KCNIP4: variants seen among roughly 807,000 people sequenced by gnomAD.
The protein encoded by KCNIP4 is Kv channel-interacting protein 4.
A neutral mutation model predicts 34.0 loss-of-function variants in KCNIP4; 12 were observed. The observed-to-expected ratio is 0.35, with a 90% confidence interval of 0.23 to 0.57. KCNIP4 has a LOEUF of 0.57. Ranked by LOEUF, KCNIP4 falls within the 20% of genes least tolerant of loss-of-function variation. The pLI is 0.83. For missense variants in KCNIP4, 238 were observed against 311.7 expected (o/e 0.76, Z 1.78); for synonymous variants, 124 against 102.2 (o/e 1.21, Z -1.29).
intron 1 of KCNIP4, among the ~76,000 whole-genome samples, chr4:20,928,944 A>T (rs1246586943): frequency 6.6e-6 from 1 of 152,016 alleles, no homozygotes; most frequent in Non-Finnish European, 1.5e-5. Flanking sequence ...TGGCTTCATG[A>T]ATGAATTCTA....
At position 21,676,003 on chromosome 4, in the gene KCNIP4, A is replaced by G. The variant is rs150002077; in HGVS notation, c.61+272568T>C. Among the ~76,000 whole-genome samples the G allele has an allele frequency of 4.9e-3, 742 of 152,262 alleles. 4 individuals carry two copies. The highest frequency in any genetic ancestry group is 0.017 in the African/African-American group (696 of 41,554). ...GCACGACCACTAAGCTGTTCAGTAA[A>G]TCTGGTCTGACAACAATTATATACT... is the stretch of plus-strand genomic sequence containing the variant. On this transcript the variant is annotated intron_variant, in intron 1 of 8. Transcript: ENST00000382152.
At chr4:21,171,550 G>A (rs1445674297) in intron 1 of KCNIP4, among the ~76,000 whole-genome samples, 1 of 152,092 alleles carries the variant, frequency 6.6e-6, no homozygotes, top group African/African-American at 2.4e-5. Flanking sequence ...GAACAGCGAT[G>A]GGATCAGATT....
intron 1 of KCNIP4, among the ~76,000 whole-genome samples, chr4:21,748,488 A>C (rs1716928170): frequency 6.6e-6 from 1 of 152,196 alleles, no homozygotes; most frequent in South Asian, 2.1e-4. Flanking sequence ...TCTATTTAGG[A>C]AATATGAAAA....
intron 1 of KCNIP4, among the ~76,000 whole-genome samples, chr4:21,421,223 A>C (rs1219108694): frequency 6.6e-6 from 1 of 152,198 alleles, no homozygotes; most frequent in East Asian, 1.9e-4. Context: ...AGAATCCTCA[A>C]AAAGTTAAAA....
intron 3 of KCNIP4, among the ~76,000 whole-genome samples, chr4:20,765,349 C>T (rs1425384631): frequency 6.6e-6 from 1 of 152,100 alleles, no homozygotes; most frequent in Non-Finnish European, 1.5e-5. Flanking sequence ...AAGATGTACA[C>T]GGTGTATTTG....
At chr4:20,821,876 A>G (rs183193079) in intron 3 of KCNIP4, among the ~76,000 whole-genome samples, 51 of 151,686 alleles carry the variant, frequency 3.4e-4, no homozygotes, top group African/African-American at 1.1e-3. Context: ...GTGTGTATCT[A>G]TGTATCTCTC....
intron 1 of KCNIP4, among the ~76,000 whole-genome samples, chr4:21,791,443 G>A (rs1296295819): frequency 6.6e-6 from 1 of 152,142 alleles, no homozygotes; most frequent in Non-Finnish European, 1.5e-5. Context: ...GGAAAATAAA[G>A]CAGACAAGTG....
chr4:21,455,347 T>C (rs897357814), intron 1 of KCNIP4, among the ~76,000 whole-genome samples: 14 of 151,986 alleles, frequency 9.2e-5, no homozygotes, highest in African/African-American at 3.4e-4. Flanking sequence ...AGAAAGTGTC[T>C]CCAATTACTT....
At chr4:20,942,180 G>T (rs1731705473) in intron 1 of KCNIP4, among the ~76,000 whole-genome samples, 1 of 152,168 alleles carries the variant, frequency 6.6e-6, no homozygotes, top group Non-Finnish European at 1.5e-5. Context: ...TTCCCTCAAT[G>T]CATTCCCTGG....
chr4:20,908,315 G>A (rs1463919221), intron 1 of KCNIP4, among the ~76,000 whole-genome samples: 1 of 152,110 alleles, frequency 6.6e-6, no homozygotes, highest in African/African-American at 2.4e-5. Context: ...GGTCAGGCTG[G>A]TCTCGAACTC....
chr4:21,711,490 A>G (rs1436741589), intron 1 of KCNIP4, among the ~76,000 whole-genome samples: 3 of 151,906 alleles, frequency 2.0e-5, no homozygotes, highest in African/African-American at 7.2e-5. Flanking sequence ...CAAAAAAACA[A>G]AAAAAAAGGA....
intron 1 of KCNIP4, among the ~76,000 whole-genome samples, chr4:21,240,450 C>G (rs1444665944): frequency 2.0e-5 from 3 of 152,094 alleles, no homozygotes; most frequent in Non-Finnish European, 2.9e-5. Flanking sequence ...TTTAAACATG[C>G]TAGCCATCTG....
chr4:21,448,441 G>T (rs1199191961), intron 1 of KCNIP4, among the ~76,000 whole-genome samples: 2 of 152,078 alleles, frequency 1.3e-5, no homozygotes, highest in Non-Finnish European at 2.9e-5. Context: ...CTTCATAATT[G>T]GAAAGCGGAA....
intron 1 of KCNIP4, among the ~76,000 whole-genome samples, chr4:20,900,008 C>T (rs1726996133): frequency 6.6e-6 from 1 of 152,196 alleles, no homozygotes; most frequent in Non-Finnish European, 1.5e-5. Context: ...TGCCCTGATA[C>T]TTTCCCCAAG....
At chr4:21,629,474 T>C (rs1262991583) in intron 1 of KCNIP4, among the ~76,000 whole-genome samples, 1 of 152,156 alleles carries the variant, frequency 6.6e-6, no homozygotes, top group African/African-American at 2.4e-5. Flanking sequence ...ATGCCCCTAT[T>C]TGATGCCCTG....
At position 21,399,766 on chromosome 4, in the gene KCNIP4, C is replaced by G. The variant is rs556344589; in HGVS notation, c.62-517057G>C. On this transcript the variant is annotated intron_variant, in intron 1 of 8. Coordinates refer to ENST00000382152, the MANE Select transcript of KCNIP4 (RefSeq NM_025221.6). ...CCACCTCACAGGTTCAAGCAATTCTCCTGCCTCAGCCTCCCAAGTAGCGGT... is the reference window on the plus strand; with the variant it reads ...CCACCTCACAGGTTCAAGCAATTCTGCTGCCTCAGCCTCCCAAGTAGCGGT... Among the ~76,000 whole-genome samples the G allele has an allele frequency of 5.9e-5, 9 of 152,130 alleles. No individual in the cohort carries two copies. In the South Asian group the frequency reaches 1.9e-3, roughly 32 times the overall value.
chr4:21,766,386 C>T (rs1238602909), intron 1 of KCNIP4, among the ~76,000 whole-genome samples: 2 of 152,050 alleles, frequency 1.3e-5, no homozygotes, highest in Non-Finnish European at 1.5e-5. Context: ...AAGGATTACT[C>T]GATTGTAAGA....
At chr4:20,811,893 G>A (rs917073321) in intron 3 of KCNIP4, among the ~76,000 whole-genome samples, 6 of 152,154 alleles carry the variant, frequency 3.9e-5, no homozygotes, top group Non-Finnish European at 8.8e-5. Context: ...GGCTTGGATG[G>A]GCAGGTTGGG....
chr4:21,507,371 TCTC>T (rs1031341476), intron 1 of KCNIP4, among the ~76,000 whole-genome samples: 2 of 151,598 alleles, frequency 1.3e-5, no homozygotes, highest in African/African-American at 4.8e-5. Flanking sequence ...TTCAAGCAAT[TCTC>T]CTGCTTCTAC....
Sources: gnomAD v4.1 joint callset for allele counts (sites outside exome capture counted in the v4.1 genomes callset) on GRCh38, gnomAD v4.1.1 for gene constraint, MANE v1.5 for transcripts, NCBI Gene and HGNC (gene_info 2026-07-23, HGNC 2026-07-21) for gene names.